Variants in DACH2 observed in about 807,000 individuals in gnomAD.
DACH2 encodes dachshund homolog 2.
A neutral mutation model predicts 35.8 loss-of-function variants in DACH2; 17 were observed. That is an observed-to-expected ratio of 0.48 (90% confidence interval 0.33 to 0.71). DACH2 has a LOEUF of 0.71. DACH2 is among the 30% of genes least tolerant of loss of function. The probability of loss-of-function intolerance (pLI) is 0.02; values close to 1 mark genes in which losing one functional copy is unlikely to be tolerated. For missense variants in DACH2, 469 were observed against 472.7 expected, an observed-to-expected ratio of 0.99 and a Z score of 0.07; for synonymous variants, 195 against 177.3, an observed-to-expected ratio of 1.10 and a Z score of -0.79.
rs375853146 is a variant in DACH2, at chrX:86,669,685, G to A, written c.772+18518G>A. Among the ~76,000 whole-genome samples the A allele has an allele frequency of 3.1e-4, 35 of 111,410 alleles. No individual in the cohort carries two copies. In the East Asian group the frequency reaches 5.9e-3, roughly 19 times the overall value. On this transcript the variant is annotated intron_variant, in intron 4 of 11. Transcript: ENST00000373125. ...TATTTTCATGGCAAAATAACTCATT[G>A]TAAATAAATTAAATTGAGAACACAT...
intron 3 of DACH2, among the ~76,000 whole-genome samples, chrX:86,621,284 G>T (rs2040066800): frequency 9.0e-6 from 1 of 111,511 alleles, no homozygotes; most frequent in African/African-American, 3.3e-5. Flanking sequence ...GTGGCACAGT[G>T]AGACAGTTAT....
intron 1 of DACH2, among the ~76,000 whole-genome samples, chrX:86,220,031 T>C (rs2032668459): frequency 1.0e-5 from 1 of 96,848 alleles, no homozygotes; most frequent in Admixed American, 1.2e-4. Flanking sequence ...CCGGGCGTGG[T>C]GGTGCATGCC....
chrX:86,825,264 A>C (rs1389486694), intron 11 of DACH2, among the ~76,000 whole-genome samples: 2 of 110,397 alleles, frequency 1.8e-5, no homozygotes, highest in Non-Finnish European at 3.8e-5. Context: ...TAAAAATACA[A>C]AAAATAGCCA....
At chrX:86,675,353 CTA>C (rs1306735849) in intron 4 of DACH2, among the ~76,000 whole-genome samples, 1 of 111,339 alleles carries the variant, frequency 9.0e-6, no homozygotes, top group Non-Finnish European at 1.9e-5. Flanking sequence ...TACTAGTATT[CTA>C]TGATTCTATC....
chrX:86,481,777 G>A (rs1281056848), intron 2 of DACH2: 3 of 112,092 alleles, frequency 2.7e-5, no homozygotes, highest in Non-Finnish European at 5.6e-5. Context: ...CCTAACTATA[G>A]ATACAACGTT....
At chrX:86,463,026 A>G (rs894050646) in intron 2 of DACH2, among the ~76,000 whole-genome samples, 3 of 111,589 alleles carry the variant, frequency 2.7e-5, no homozygotes, top group Non-Finnish European at 3.8e-5. Flanking sequence ...ATATTAAACC[A>G]CAGGGCTTTG....
intron 5 of DACH2, among the ~76,000 whole-genome samples, chrX:86,705,537 C>T (rs986608838): frequency 6.3e-5 from 7 of 110,883 alleles, no homozygotes; most frequent in Non-Finnish European, 1.1e-4. Flanking sequence ...AAAACCACAA[C>T]GAGATGGTAC....
At chrX:86,383,945 C>T (rs2036086385) in intron 2 of DACH2, among the ~76,000 whole-genome samples, 1 of 110,990 alleles carries the variant, frequency 9.0e-6, no homozygotes, top group Non-Finnish European at 1.9e-5. Context: ...GTGTCTCAGG[C>T]TGTGTGTTTC....
chrX:86,289,408 TTTTA>T lies in DACH2; in HGVS notation c.489-87397_489-87394del, dbSNP rs201387197. On this transcript the variant is annotated intron_variant, in intron 1 of 11. Transcript: ENST00000373125. Reference sequence around the variant, plus strand: ...CTCGGTTGGTGTCTAAGCAGGTTTCTTTTATTTATTTATTTATTTATTATTATTA... The same window carrying T: ...CTCGGTTGGTGTCTAAGCAGGTTTCTTTTATTTATTTATTTATTATTATTA... Among the ~76,000 whole-genome samples, 21 of 107,977 alleles carry T rather than the reference TTTTA, an allele frequency of 1.9e-4. 1 individual carries two copies. Among genetic ancestry groups the T allele is most frequent in the South Asian group, 1.7e-3 (4 of 2,419 alleles). The allele number at this position is 107,977 out of a possible 115,157, so 93.8% of individuals were successfully genotyped here.
intron 2 of DACH2, among the ~76,000 whole-genome samples, chrX:86,408,873 G>T (rs1030399133): frequency 1.8e-5 from 2 of 111,679 alleles, no homozygotes; most frequent in Non-Finnish European, 3.8e-5. Flanking sequence ...CGAATATTGT[G>T]CATGTTAGTA....
intron 2 of DACH2, among the ~76,000 whole-genome samples, chrX:86,454,121 T>C (rs1435661813): frequency 9.0e-6 from 1 of 111,661 alleles, no homozygotes. Flanking sequence ...TCTTCTGGCT[T>C]GTAGGATATC....
chrX:86,562,502 C>G (rs1477274033), intron 3 of DACH2, among the ~76,000 whole-genome samples: 3 of 111,194 alleles, frequency 2.7e-5, no homozygotes, highest in Non-Finnish European at 3.8e-5. Flanking sequence ...TCATAACAAT[C>G]TTTCCAAAAC....
chrX:86,548,898 T>C (rs1013608192), intron 3 of DACH2, among the ~76,000 whole-genome samples: 1 of 112,029 alleles, frequency 8.9e-6, no homozygotes, highest in Admixed American at 9.5e-5. Context: ...AAACCTGAAC[T>C]TGAGACCAAT....
At chrX:86,225,339 A>G (rs1245835887) in intron 1 of DACH2, among the ~76,000 whole-genome samples, 1 of 111,413 alleles carries the variant, frequency 9.0e-6, no homozygotes, top group African/African-American at 3.3e-5. Context: ...TATATTTTTT[A>G]AATTCTTGAT....
At chrX:86,651,418 A>G (rs1187293933) in intron 4 of DACH2, among the ~76,000 whole-genome samples, 1 of 111,564 alleles carries the variant, frequency 9.0e-6, no homozygotes, top group African/African-American at 3.2e-5. Flanking sequence ...TATAATTCCT[A>G]TAATGTTAGC....
At chrX:86,672,904 C>T (rs768296148) in intron 4 of DACH2, among the ~76,000 whole-genome samples, 32 of 111,806 alleles carry the variant, frequency 2.9e-4, no homozygotes, top group African/African-American at 7.2e-4. Flanking sequence ...CCTGGAAAAG[C>T]GGCAGACATT....
At chrX:86,183,222 G>C (rs1215803037) in intron 1 of DACH2, among the ~76,000 whole-genome samples, 2 of 111,953 alleles carry the variant, frequency 1.8e-5, no homozygotes, top group East Asian at 5.6e-4. Flanking sequence ...ATGTTGATAG[G>C]AGTGGTGAGA....
intron 2 of DACH2, among the ~76,000 whole-genome samples, chrX:86,505,930 A>G (rs774373634): frequency 2.1e-4 from 24 of 112,016 alleles, no homozygotes; most frequent in Admixed American, 4.7e-4. Flanking sequence ...TACATCTCTA[A>G]TCCTAATGTG....
intron 1 of DACH2, among the ~76,000 whole-genome samples, chrX:86,258,798 A>G (rs905214761): frequency 6.2e-5 from 7 of 112,033 alleles, no homozygotes; most frequent in Non-Finnish European, 9.4e-5. Context: ...GAAGGTACCC[A>G]TGTTAGTGGT....
Sources: gnomAD v4.1 joint callset for allele counts (sites outside exome capture counted in the v4.1 genomes callset) on GRCh38, gnomAD v4.1.1 for gene constraint, MANE v1.5 for transcripts, NCBI Gene and HGNC (gene_info 2026-07-23, HGNC 2026-07-21) for gene names.